Variants in ST3GAL2 observed in about 807,000 individuals in gnomAD.
ST3GAL2 encodes the protein ST3 beta-galactoside alpha-2,3-sialyltransferase 2.
ST3GAL2 carries 16 observed loss-of-function variants against 37.5 expected under a neutral mutation model. The ratio of observed to expected loss-of-function variants is 0.43; its 90% CI spans 0.29 to 0.65. ST3GAL2 has a LOEUF of 0.65. Among genes scored for constraint, ST3GAL2 ranks in the 30% least tolerant of loss-of-function variants. The pLI is 0.17. For synonymous variants in ST3GAL2, 238 were observed against 202.9 expected, an observed-to-expected ratio of 1.17 and a Z score of -1.47; for missense variants, 383 against 487.8, an observed-to-expected ratio of 0.79 and a Z score of 2.02.
At chr16:70,418,281 G>A (rs751349375) in intron 1 of ST3GAL2, among the ~76,000 whole-genome samples, 1 of 152,172 alleles carries the variant, frequency 6.6e-6, no homozygotes, top group African/African-American at 2.4e-5. Flanking sequence ...CTGTCAAGGA[G>A]CACAGCAATG....
At chr16:70,387,491 G>C (rs1489437394) in intron 4 of ST3GAL2, among the ~76,000 whole-genome samples, 1 of 151,960 alleles carries the variant, frequency 6.6e-6, no homozygotes, top group African/African-American at 2.4e-5. Context: ...GGAGGTAGAG[G>C]TTTCAGTGAG....
intron 1 of ST3GAL2, among the ~76,000 whole-genome samples, chr16:70,415,379 G>GGGC (rs1452999541): frequency 1.3e-5 from 2 of 151,724 alleles, no homozygotes; most frequent in Non-Finnish European, 2.9e-5. Context: ...ACAGCCCTCC[G>GGGC]GGCGGCACGG....
At chr16:70,431,381 G>C (rs1160629879) in intron 1 of ST3GAL2, among the ~76,000 whole-genome samples, 3 of 152,246 alleles carry the variant, frequency 2.0e-5, no homozygotes, top group Non-Finnish European at 4.4e-5. Context: ...AGTCAAGAGA[G>C]AAAAGACAGA....
chr16:70,395,307 AG>A (rs1433350811), intron 2 of ST3GAL2, 132 bp from the exon 3 acceptor site: 4 of 821,898 alleles, frequency 4.9e-6, no homozygotes, highest in Admixed American at 6.2e-5. Context: ...GGGCTCTGCC[AG>A]GGAACAGGGG....
intron 1 of ST3GAL2, among the ~76,000 whole-genome samples, chr16:70,405,249 G>C (rs914965957): frequency 6.6e-6 from 1 of 151,958 alleles, no homozygotes; most frequent in Non-Finnish European, 1.5e-5. Flanking sequence ...TAAGTGAAAG[G>C]AGCCAGGCAC....
At chr16:70,425,432 A>G (rs2047743138) in intron 1 of ST3GAL2, among the ~76,000 whole-genome samples, 1 of 152,184 alleles carries the variant, frequency 6.6e-6, no homozygotes, top group Non-Finnish European at 1.5e-5. Context: ...ACTGCACTCC[A>G]GCCTGGGTGA....
chr16:70,418,534 G>T (rs2047691245), intron 1 of ST3GAL2, among the ~76,000 whole-genome samples: 1 of 152,124 alleles, frequency 6.6e-6, no homozygotes, highest in Non-Finnish European at 1.5e-5. Context: ...CCAGAGCTGG[G>T]GCTTCAAGGA....
At chr16:70,386,575 T>C (rs1411316438) in intron 4 of ST3GAL2, among the ~76,000 whole-genome samples, 6 of 152,200 alleles carry the variant, frequency 3.9e-5, no homozygotes, top group Admixed American at 2.6e-4. Context: ...CTTGACCTCA[T>C]GATCGCCCAC....
chr16:70,407,634 G>A (rs757357352), intron 1 of ST3GAL2, among the ~76,000 whole-genome samples: 1 of 152,186 alleles, frequency 6.6e-6, no homozygotes, highest in Non-Finnish European at 1.5e-5. Context: ...AGATGCAGCC[G>A]AAGGGCTACT....
At chr16:70,410,267 T>C in intron 1 of ST3GAL2, among the ~76,000 whole-genome samples, 1 of 130,202 alleles carries the variant, frequency 7.7e-6, no homozygotes, top group South Asian at 2.4e-4. Flanking sequence ...TTTTTTTTTT[T>C]TGAGACGGAG....
chr16:70,430,417 A>G (rs1196892468), intron 1 of ST3GAL2, among the ~76,000 whole-genome samples: 1 of 152,234 alleles, frequency 6.6e-6, no homozygotes, highest in East Asian at 1.9e-4. Context: ...AAAATCCTTC[A>G]TCAAACAGCC....
chr16:70,398,630 A>C lies in ST3GAL2; in HGVS notation c.-100T>G. On this transcript the variant is annotated 5_prime_UTR_variant, in exon 2 of 7. Coordinates refer to ENST00000342907, the MANE Select transcript of ST3GAL2 (RefSeq NM_006927.4). Reference sequence around the variant, plus strand: ...CTGCCTATTCTGGCACCACATGCAAAGGGCATAGGGGCACGTGCTGCAGCA... The same window carrying C: ...CTGCCTATTCTGGCACCACATGCAACGGGCATAGGGGCACGTGCTGCAGCA... 8.5e-7 allele frequency: 1 copy of C among 1,170,318 alleles called. No individual in the cohort carries two copies. Among genetic ancestry groups the C allele is most frequent in the Non-Finnish European group, 1.2e-6 (1 of 839,944 alleles). 72.5% of individuals were successfully genotyped at this position (1,170,318 alleles called of 1,614,324 possible). A position where few individuals can be genotyped will look rare whatever the true frequency, so the allele number is the denominator to read the frequency against.
chr16:70,411,470 G>C (rs896241075), intron 1 of ST3GAL2, among the ~76,000 whole-genome samples: 5 of 152,040 alleles, frequency 3.3e-5, no homozygotes, highest in Non-Finnish European at 7.4e-5. Context: ...GGATGTTACA[G>C]GGTGATGATA....
intron 1 of ST3GAL2, among the ~76,000 whole-genome samples, chr16:70,437,057 G>T (rs1317756874): frequency 6.6e-6 from 1 of 152,160 alleles, no homozygotes; most frequent in Non-Finnish European, 1.5e-5. Flanking sequence ...AGGCTTGGCC[G>T]GAGTAGAAAT....
chr16:70,414,963 T>C (rs1180083730), intron 1 of ST3GAL2, among the ~76,000 whole-genome samples: 1 of 152,128 alleles, frequency 6.6e-6, no homozygotes, highest in Non-Finnish European at 1.5e-5. Context: ...AAGCTCCACC[T>C]CCCGGGTTCA....
Position 70,398,577 on chromosome 16 carries a change from C to G in ST3GAL2, c.-47G>C. The G allele has an allele frequency of 6.6e-7, 1 of 1,517,816 alleles. No individual in the cohort carries two copies. Among genetic ancestry groups the G allele is most frequent in the Non-Finnish European group, 8.8e-7 (1 of 1,131,814 alleles). The allele number at this position is 1,517,816 out of a possible 1,614,324, so 94.0% of individuals were successfully genotyped here. On this transcript the variant is annotated 5_prime_UTR_variant, in exon 2 of 7. Coordinates refer to ENST00000342907, the MANE Select transcript of ST3GAL2 (RefSeq NM_006927.4). ...GTCACCGTGGCCACTCTTTTCCCAGCCCGCTGAGGGGCCAGCCACGGCGTA... is the reference window on the plus strand; with the variant it reads ...GTCACCGTGGCCACTCTTTTCCCAGGCCGCTGAGGGGCCAGCCACGGCGTA...
intron 1 of ST3GAL2, among the ~76,000 whole-genome samples, chr16:70,434,454 A>T (rs1014738692): frequency 2.0e-5 from 3 of 152,076 alleles, no homozygotes; most frequent in Admixed American, 6.6e-5. Context: ...AAAAAAAAAA[A>T]TTCAGACTTT....
chr16:70,428,925 G>C (rs1260606063), intron 1 of ST3GAL2, among the ~76,000 whole-genome samples: 2 of 152,158 alleles, frequency 1.3e-5, no homozygotes, highest in Admixed American at 1.3e-4. Flanking sequence ...GGAGAACTTG[G>C]CAAATAAAAA....
At chr16:70,403,674 G>C (rs1243279596) in intron 1 of ST3GAL2, among the ~76,000 whole-genome samples, 1 of 152,094 alleles carries the variant, frequency 6.6e-6, no homozygotes, top group Non-Finnish European at 1.5e-5. Flanking sequence ...TTAGCTGGGC[G>C]TGGTGGTGGG....
Sources: allele counts gnomAD v4.1 joint callset (sites outside exome capture counted in the v4.1 genomes callset), GRCh38; gene constraint gnomAD v4.1.1; transcripts MANE v1.5; gene names NCBI Gene and HGNC (gene_info 2026-07-23, HGNC 2026-07-21).